The following CLVS1 variants were observed in gnomAD, a reference collection of about 807,000 sequenced individuals.
The protein encoded by CLVS1 is clavesin 1, also known as clavesin-1.
CLVS1 carries 10 observed loss-of-function variants against 33.1 expected under a neutral mutation model. The observed-to-expected ratio is 0.30, with a 90% CI of 0.19 to 0.51. CLVS1 has a LOEUF of 0.51. CLVS1 is among the 20% of genes least tolerant of loss of function. The pLI is 0.97. For missense variants in CLVS1, 343 were observed against 433.4 expected (o/e 0.79, Z 1.85); for synonymous variants, 163 against 166.1 (o/e 0.98, Z 0.14).
intron 1 of CLVS1, chr8:61,091,035 G>A (rs946016139): frequency 4.1e-5 from 18 of 434,320 alleles, no homozygotes; most frequent in Middle Eastern, 3.6e-4. Flanking sequence ...ACCTGTGCCC[G>A]TTACCTCACA....
intron 2 of CLVS1, among the ~76,000 whole-genome samples, chr8:61,276,623 T>G (rs1311127135): frequency 1.3e-5 from 2 of 152,252 alleles, no homozygotes; most frequent in African/African-American, 4.8e-5. Flanking sequence ...TTTGGCTCTA[T>G]GCACCTCAAT....
At chr8:61,249,603 G>C (rs926691356) in intron 2 of CLVS1, among the ~76,000 whole-genome samples, 3 of 152,104 alleles carry the variant, frequency 2.0e-5, no homozygotes, top group African/African-American at 7.2e-5. Flanking sequence ...ACTTTTTAAT[G>C]ATTGCCATTC....
intron 2 of CLVS1, among the ~76,000 whole-genome samples, chr8:61,215,582 A>G (rs957243728): frequency 6.6e-6 from 1 of 152,122 alleles, no homozygotes; most frequent in Non-Finnish European, 1.5e-5. Flanking sequence ...ATTTTCATCA[A>G]TCTATAAACA....
Position 61,324,216 on chromosome 8 carries a change from A to G in CLVS1, c.455+23934A>G, listed in dbSNP as rs113742917. 7.7e-4 allele frequency among the ~76,000 whole-genome samples: 117 copies of G among 152,264 alleles called. 1 individual carries two copies. The Middle Eastern group carries it at 0.014, about 18-fold the overall frequency. On this transcript the variant is annotated intron_variant, in intron 2 of 5. Transcript: ENST00000325897. The stretch of plus-strand genomic sequence containing the variant: ...CTTGAATTGTGCTCCCATAATTCCC[A>G]TGTATTAGGGGAGGGACCTGGTGGG...
At chr8:61,118,179 T>A (rs1805773763) in intron 1 of CLVS1, among the ~76,000 whole-genome samples, 1 of 152,052 alleles carries the variant, frequency 6.6e-6, no homozygotes, top group African/African-American at 2.4e-5. Context: ...TGTAGTATTC[T>A]CTGATGGTAG....
At chr8:61,051,559 C>T in the CLVS1 span, among the ~76,000 whole-genome samples, 5 of 152,224 alleles carry the variant, frequency 3.3e-5, no homozygotes, top group African/African-American at 1.2e-4. Context: ...CCCACAGAGG[C>T]ACAGCCTGCC....
intron 2 of CLVS1, among the ~76,000 whole-genome samples, chr8:61,254,014 A>T (rs58727452): frequency 0.49 from 73,488 of 151,364 alleles, 18,923 homozygotes; most frequent in East Asian, 0.96. Flanking sequence ...TAGAATTTTC[A>T]GTTTTTCTGC....
intron 1 of CLVS1, among the ~76,000 whole-genome samples, chr8:61,085,419 C>T (rs1805099114): frequency 6.6e-6 from 1 of 152,118 alleles, no homozygotes; most frequent in Admixed American, 6.5e-5. Context: ...TCTTCTCTCT[C>T]ATCATTGCAT....
In CLVS1 at chr8:61,139,576, C is replaced by T. The variant is rs577772569; in HGVS notation, c.-152+7716C>T. 7.1e-3 allele frequency among the ~76,000 whole-genome samples: 1,082 copies of T among 152,160 alleles called. 15 individuals carry two copies. The highest frequency in any genetic ancestry group is 0.024 in the African/African-American group (1,017 of 41,528). On this transcript the variant is annotated intron_variant, in intron 2 of 2. Transcript: ENST00000522621. ...GGAGGCCGGGGGCGGGGGCTAAGGA[C>T]CCAGGGCCCGTGCAGAAGGGAGGGC...
At chr8:61,154,066 G>A (rs140629238) in intron 2 of CLVS1, among the ~76,000 whole-genome samples, 51 of 152,228 alleles carry the variant, frequency 3.4e-4, no homozygotes, top group South Asian at 6.2e-4. Context: ...AGAAGAGAGC[G>A]GCAAAAGGAA....
intron 3 of CLVS1, among the ~76,000 whole-genome samples, chr8:61,412,279 C>A (rs1338996271): frequency 6.6e-6 from 1 of 152,102 alleles, no homozygotes. Flanking sequence ...AGCACACATA[C>A]TATGAGATAT....
intron 1 of CLVS1, among the ~76,000 whole-genome samples, chr8:61,064,533 G>A (rs935848454): frequency 7.1e-6 from 1 of 140,126 alleles, no homozygotes; most frequent in Admixed American, 7.6e-5. Flanking sequence ...CAAGTTCTTT[G>A]CCCATTTTTT....
chr8:61,017,350 G>A, the CLVS1 span, among the ~76,000 whole-genome samples: 2 of 152,208 alleles, frequency 1.3e-5, no homozygotes, highest in East Asian at 3.8e-4. Context: ...GTATGCCGTG[G>A]GTGCCTTCGC....
chr8:61,453,518 C>T (rs906157558), intron 3 of CLVS1, among the ~76,000 whole-genome samples: 2 of 152,200 alleles, frequency 1.3e-5, no homozygotes, highest in Admixed American at 1.3e-4. Context: ...CAACAAGTAT[C>T]TTTTCCCTAG....
chr8:61,161,121 A>T (rs1040554709), intron 2 of CLVS1, among the ~76,000 whole-genome samples: 1 of 152,226 alleles, frequency 6.6e-6, no homozygotes, highest in African/African-American at 2.4e-5. Context: ...GCAAAGCCAC[A>T]ATGAAGTATC....
intron 1 of CLVS1, among the ~76,000 whole-genome samples, chr8:61,294,126 A>G (rs1263489598): frequency 6.6e-6 from 1 of 152,076 alleles, no homozygotes; most frequent in Non-Finnish European, 1.5e-5. Context: ...TAGGACTGAC[A>G]GGGTGTGGAT....
At chr8:61,385,660 CT>C (rs1215572393) in intron 3 of CLVS1, among the ~76,000 whole-genome samples, 1 of 152,214 alleles carries the variant, frequency 6.6e-6, no homozygotes, top group African/African-American at 2.4e-5. Context: ...AAAACTATCA[CT>C]TTTTTCTGTC....
chr8:61,342,891 G>A (rs1812074530), intron 2 of CLVS1, among the ~76,000 whole-genome samples: 1 of 152,192 alleles, frequency 6.6e-6, no homozygotes, highest in African/African-American at 2.4e-5. Flanking sequence ...TCCAAAAGAG[G>A]AGATGTGTTG....
At chr8:61,276,354 TGTTCTGGTTTTTCTCTTCTAGG>T (rs1809561497) in intron 2 of CLVS1, among the ~76,000 whole-genome samples, 1 of 152,248 alleles carries the variant, frequency 6.6e-6, no homozygotes, top group African/African-American at 2.4e-5. Flanking sequence ...CCCCTTTGCT[TGTTCTGGTTTTTCTCTTCTAGG>T]GATAATCCCA....
Sources: gnomAD v4.1 joint callset for allele counts (sites outside exome capture counted in the v4.1 genomes callset) on GRCh38, gnomAD v4.1.1 for gene constraint, MANE v1.5 for transcripts, NCBI Gene and HGNC (gene_info 2026-07-23, HGNC 2026-07-21) for gene names.